Variants in DLGAP1 observed in about 807,000 individuals in gnomAD.
The protein encoded by DLGAP1 is disks large-associated protein 1.
DLGAP1 carries 11 observed loss-of-function variants against 90.8 expected under a neutral mutation model. That is an observed-to-expected ratio of 0.12 (90% CI 0.08 to 0.20). The LOEUF (loss-of-function observed/expected upper bound fraction) is 0.20, where lower values mean the gene tolerates loss of function less well. Among genes scored for constraint, DLGAP1 ranks in the 10% least tolerant of loss-of-function variants. DLGAP1 has a pLI of 1.00. For synonymous variants in DLGAP1, 558 were observed against 540.7 expected, an observed-to-expected ratio of 1.03 and a Z score of -0.44; for missense variants, 1,050 against 1,333.8, an observed-to-expected ratio of 0.79 and a Z score of 3.31.
intron 2 of DLGAP1, among the ~76,000 whole-genome samples, chr18:4,043,649 T>C (rs1340147672): frequency 6.6e-6 from 1 of 152,218 alleles, no homozygotes; most frequent in East Asian, 1.9e-4. Context: ...TTTGATTTAA[T>C]AAGTCAGGAA....
At chr18:4,063,448 T>A (rs2075328410) in intron 2 of DLGAP1, among the ~76,000 whole-genome samples, 1 of 152,064 alleles carries the variant, frequency 6.6e-6, no homozygotes, top group African/African-American at 2.4e-5. Context: ...ATTAAAATAT[T>A]TTACCCCAAA....
intron 2 of DLGAP1, among the ~76,000 whole-genome samples, chr18:4,142,952 C>G (rs545243153): frequency 6.6e-6 from 1 of 152,294 alleles, no homozygotes; most frequent in Admixed American, 6.5e-5. Flanking sequence ...TCCTCTCTTA[C>G]TTTCTCCCAA....
chr18:4,425,757 G>T (rs898765762), intron 1 of DLGAP1, among the ~76,000 whole-genome samples: 9 of 152,230 alleles, frequency 5.9e-5, no homozygotes, highest in South Asian at 2.1e-4. Flanking sequence ...CTGAGGGGAG[G>T]TTAGAAAGAA....
chr18:3,767,585 T>G (rs2064310414), intron 5 of DLGAP1, among the ~76,000 whole-genome samples: 1 of 152,052 alleles, frequency 6.6e-6, no homozygotes, highest in East Asian at 1.9e-4. Flanking sequence ...GGATGGGATA[T>G]TCCACTTTCA....
At chr18:3,620,161 C>A (rs370540962) in intron 7 of DLGAP1, among the ~76,000 whole-genome samples, 1 of 152,010 alleles carries the variant, frequency 6.6e-6, no homozygotes, top group Admixed American at 6.6e-5. Flanking sequence ...CCAAAGTCAT[C>A]GTGAGGTCCT....
intron 8 of DLGAP1, chr18:3,580,855 T>G: frequency 2.5e-6 from 3 of 1,220,756 alleles, no homozygotes; most frequent in Non-Finnish European, 3.5e-6. Context: ...GCCCCCGGGG[T>G]GAGTGTGGCC....
intron 2 of DLGAP1, among the ~76,000 whole-genome samples, chr18:4,072,633 C>A (rs1246037503): frequency 2.6e-5 from 4 of 152,214 alleles, no homozygotes; most frequent in South Asian, 2.1e-4. Flanking sequence ...CTGCACGCAG[C>A]TAATTTTTGT....
intron 2 of DLGAP1, among the ~76,000 whole-genome samples, chr18:4,065,484 C>T (rs2075358066): frequency 6.6e-6 from 1 of 152,088 alleles, no homozygotes; most frequent in Non-Finnish European, 1.5e-5. Context: ...TTTCAGGATA[C>T]AAAATTAATG....
intron 5 of DLGAP1, among the ~76,000 whole-genome samples, chr18:3,789,751 G>A (rs2065639040): frequency 6.6e-6 from 1 of 152,204 alleles, no homozygotes. Context: ...CCTCGGCTGT[G>A]GCATTTGGGA....
At chr18:3,723,240 C>T (rs9945095) in intron 7 of DLGAP1, among the ~76,000 whole-genome samples, 19,182 of 152,184 alleles carry the variant, frequency 0.13, 3,979 homozygotes, top group African/African-American at 0.43. Context: ...GTGAGTTATG[C>T]CTGATGACAG....
intron 1 of DLGAP1, among the ~76,000 whole-genome samples, chr18:4,219,017 TTCTA>T (rs1415519841): frequency 3.2e-4 from 47 of 144,746 alleles, no homozygotes; most frequent in African/African-American, 8.8e-4. Context: ...CTTATGCTAG[TTCTA>T]TCTTTGTTTT....
chr18:4,144,701 T>C lies in DLGAP1; in HGVS notation c.-159+6479A>G, dbSNP rs375736445. On this transcript the variant is annotated intron_variant, in intron 2 of 12. Coordinates refer to ENST00000315677, the MANE Select transcript of DLGAP1 (RefSeq NM_004746.4). ...CTATCTTGCTCCACCTCCCTTACTA[T>C]GCAATTTTGCTAATGTCTATTTTTT... Among the ~76,000 whole-genome samples the C allele has an allele frequency of 2.4e-4, 37 of 152,348 alleles. 2 individuals carry two copies. Among genetic ancestry groups the C allele is most frequent in the Admixed American group, 4.6e-4 (7 of 15,296 alleles).
intron 2 of DLGAP1, among the ~76,000 whole-genome samples, chr18:4,019,599 A>T (rs2074576366): frequency 6.6e-6 from 1 of 151,710 alleles, no homozygotes; most frequent in Non-Finnish European, 1.5e-5. Context: ...CACTTCACAG[A>T]TTTGTTTCTG....
At chr18:4,316,122 G>A (rs2080520555) in intron 1 of DLGAP1, among the ~76,000 whole-genome samples, 1 of 152,090 alleles carries the variant, frequency 6.6e-6, no homozygotes, top group Non-Finnish European at 1.5e-5. Context: ...GGACTAAAAG[G>A]GAAACCAGAA....
At chr18:4,175,394 T>C (rs2077090157) in intron 1 of DLGAP1, among the ~76,000 whole-genome samples, 1 of 152,228 alleles carries the variant, frequency 6.6e-6, no homozygotes, top group Non-Finnish European at 1.5e-5. Flanking sequence ...GATAATTTCT[T>C]TTGCTGTGCA....
Position 3,616,956 on chromosome 18 carries a change from G to T in DLGAP1, c.1592-34708C>A, listed in dbSNP as rs2057896517. Among the ~76,000 whole-genome samples, 4 of 152,276 alleles carry T rather than the reference G, an allele frequency of 2.6e-5. No homozygotes were observed. The South Asian group carries it at 8.3e-4, about 32-fold the overall frequency. On this transcript the variant is annotated intron_variant, in intron 7 of 12. Coordinates refer to ENST00000315677, the MANE Select transcript of DLGAP1 (RefSeq NM_004746.4). ...TAAGTAGCCCAGCTGTCCTGAGGCTGCCATGCTGTAAGGAAGCCCAAGTGA... is the reference window on the plus strand; with the variant it reads ...TAAGTAGCCCAGCTGTCCTGAGGCTTCCATGCTGTAAGGAAGCCCAAGTGA...
chr18:3,546,585 AT>A (rs1241162427), intron 9 of DLGAP1, among the ~76,000 whole-genome samples: 2 of 152,170 alleles, frequency 1.3e-5, no homozygotes, highest in African/African-American at 4.8e-5. Flanking sequence ...TAGCTAAAAA[AT>A]ATTTGGAAAA....
At chr18:4,090,256 T>C (rs2143741095) in intron 2 of DLGAP1, among the ~76,000 whole-genome samples, 1 of 152,174 alleles carries the variant, frequency 6.6e-6, no homozygotes, top group South Asian at 2.1e-4. Context: ...TGGGACCTAA[T>C]TAAACTAAAG....
intron 1 of DLGAP1, among the ~76,000 whole-genome samples, chr18:4,231,236 A>C (rs368597583): frequency 3.3e-5 from 5 of 152,170 alleles, no homozygotes; most frequent in African/African-American, 1.2e-4. Context: ...GCATATTTAA[A>C]ATATGACCTG....
Sources: allele counts gnomAD v4.1 joint callset (sites outside exome capture counted in the v4.1 genomes callset), GRCh38; gene constraint gnomAD v4.1.1; transcripts MANE v1.5; gene names NCBI Gene and HGNC (gene_info 2026-07-23, HGNC 2026-07-21).